The following MET variants were observed in gnomAD, a reference collection of about 807,000 sequenced individuals.
MET encodes the protein MET proto-oncogene, receptor tyrosine kinase.
Under a neutral mutation model 133.1 loss-of-function variants are expected in MET, and 48 were observed. The ratio of observed to expected loss-of-function variants is 0.36; its 90% CI spans 0.29 to 0.46. The LOEUF (loss-of-function observed/expected upper bound fraction) is 0.46, where lower values mean the gene tolerates loss of function less well. MET is among the 20% of genes least tolerant of loss of function. The pLI is 1.00. For missense variants in MET, 1,442 were observed against 1,695.9 expected, an observed-to-expected ratio of 0.85 and a Z score of 2.63; for synonymous variants, 628 against 616.5, an observed-to-expected ratio of 1.02 and a Z score of -0.28.
intron 1 of MET, among the ~76,000 whole-genome samples, chr7:116,695,128 C>T (rs1298644628): frequency 6.6e-6 from 1 of 152,090 alleles, no homozygotes; most frequent in Non-Finnish European, 1.5e-5. Flanking sequence ...ACAGAAAATA[C>T]AGCAATAAAT....
chr7:116,731,689 G>A lies in MET; in HGVS notation c.1222G>A (p.Gly408Ser), dbSNP rs1289461217. 2 of 1,613,952 alleles carry A rather than the reference G, an allele frequency of 1.2e-6. No individual in the cohort carries two copies. The highest frequency in any genetic ancestry group is 2.7e-5 in the African/African-American group (2 of 74,898). Residue 408 changes from glycine (G) to serine (S), a missense_variant, in exon 3 of 21, where the codon GGC (glycine) becomes AGC (serine). Physicochemically the swap from Gly to Ser is moderately conservative, Grantham distance 56 (BLOSUM62 0). Transcript: ENST00000397752. ...FNRTLLRNSS[G>S]CEARRDEYRT... The stretch of plus-strand genomic sequence containing the variant: ...CCAGACACTTCTGAGAAATTCATCA[G>A]GCTGTGAAGCGCGCCGTGATGAATA...
chr7:116,700,397 C>A, intron 2 of MET, 113 bp downstream of exon 2: 1 of 1,214,004 alleles, frequency 8.2e-7, no homozygotes, highest in Non-Finnish European at 1.1e-6. Context: ...GGTGTTTATC[C>A]AAAATAGTTG....
At chr7:116,724,756 A>G in intron 2 of MET, 1 of 1,156,626 alleles carries the variant, frequency 8.6e-7, no homozygotes, top group Non-Finnish European at 1.1e-6. Context: ...AATTCGCTCA[A>G]CCTCTCCCTT....
At chr7:116,712,278 C>T (rs1163016730) in intron 2 of MET, among the ~76,000 whole-genome samples, 4 of 152,212 alleles carry the variant, frequency 2.6e-5, no homozygotes, top group African/African-American at 9.7e-5. Flanking sequence ...TTCAACTCAT[C>T]CCCTGCCCCC....
In MET at chr7:116,740,058, T is replaced by C. The variant is rs546559782; in HGVS notation, c.1501T>C (p.Tyr501His). 6.2e-7 allele frequency: 1 copy of C among 1,614,144 alleles called. No individual in the cohort carries two copies. The highest frequency in any genetic ancestry group is 2.2e-5 in the East Asian group (1 of 44,876). ...GGAGCATACATTAAACCAAAATGGC[T>C]ACACACTGGTTATCACTGGGAAGAA... ...IVEHTLNQNG[Y>H]TLVITGKKIT... Residue 501 changes from tyrosine (Y) to histidine (H), a missense_variant, in exon 4 of 21, where the codon TAC (tyrosine) becomes CAC (histidine). Transcript: ENST00000397752.
In MET at chr7:116,796,142, A is replaced by T. The variant is rs2117114571; in HGVS notation, c.*18A>T. The T allele has an allele frequency of 1.9e-6, 3 of 1,604,242 alleles. No individual in the cohort carries two copies. Among genetic ancestry groups the T allele is most frequent in the African/African-American group, 1.3e-5 (1 of 74,926 alleles). On this transcript the variant is annotated 3_prime_UTR_variant, in exon 21 of 21. Coordinates refer to ENST00000397752, the MANE Select transcript of MET (RefSeq NM_000245.4). Reference sequence around the variant, plus strand: ...CATCATAGTGCTAGTACTATGTCAAAGCAACAGTCCACACTTTGTCCAATG... The same window carrying T: ...CATCATAGTGCTAGTACTATGTCAATGCAACAGTCCACACTTTGTCCAATG...
intron 1 of MET, among the ~76,000 whole-genome samples, chr7:116,678,764 A>G (rs572075442): frequency 6.6e-6 from 1 of 152,150 alleles, no homozygotes; most frequent in Non-Finnish European, 1.5e-5. Flanking sequence ...TTAGCTATTA[A>G]ATTTTAAACC....
intron 2 of MET, among the ~76,000 whole-genome samples, chr7:116,712,438 C>T (rs1792036143): frequency 6.6e-6 from 1 of 152,160 alleles, no homozygotes; most frequent in African/African-American, 2.4e-5. Flanking sequence ...CTCCACAGTC[C>T]CAGCACCTAA....
At chr7:116,738,784 C>T (rs1038247997) in intron 3 of MET, among the ~76,000 whole-genome samples, 1 of 152,100 alleles carries the variant, frequency 6.6e-6, no homozygotes, top group Non-Finnish European at 1.5e-5. Flanking sequence ...AATTGTTCCC[C>T]AGAACATTTA....
At position 116,763,191 on chromosome 7, in the gene MET, G is replaced by T; in HGVS notation, c.2506G>T (p.Val836Leu). 6.2e-7 allele frequency: 1 copy of T among 1,613,962 alleles called. No individual in the cohort carries two copies. Among genetic ancestry groups the T allele is most frequent in the Non-Finnish European group, 8.5e-7 (1 of 1,179,962 alleles). The change falls in exon 11 of 21, where the codon GTA becomes TTA. Residue 836 changes from valine (V) to leucine (L), a missense_variant. Coordinates refer to ENST00000397752, the MANE Select transcript of MET (RefSeq NM_000245.4). ...ILSKYFDLIY[V>L]HNPVFKPFEK... ...TTCCAAATACTTTGATCTCATTTAT[G>T]TACATAATCCTGTGTTTAAGCCTTT...
chr7:116,717,882 G>A (rs982771186), intron 2 of MET, among the ~76,000 whole-genome samples: 5 of 152,000 alleles, frequency 3.3e-5, no homozygotes, highest in Non-Finnish European at 7.4e-5. Context: ...GAGATATATA[G>A]CACTTCAATT....
At chr7:116,687,940 C>T (rs981871464) in intron 1 of MET, among the ~76,000 whole-genome samples, 1 of 152,208 alleles carries the variant, frequency 6.6e-6, no homozygotes, top group Non-Finnish European at 1.5e-5. Context: ...GGTTCACTCA[C>T]CACCTGCATT....
chr7:116,761,195 C>T (rs1363903287), intron 10 of MET, among the ~76,000 whole-genome samples: 4 of 152,116 alleles, frequency 2.6e-5, no homozygotes, highest in Non-Finnish European at 4.4e-5. Flanking sequence ...AGTTACATAT[C>T]CCAAGGATGA....
intron 19 of MET, among the ~76,000 whole-genome samples, chr7:116,794,238 G>A (rs759580025): frequency 1.3e-5 from 2 of 152,054 alleles, no homozygotes; most frequent in Admixed American, 6.6e-5. Flanking sequence ...TAACCTACTC[G>A]TATGTGATCA....
chr7:116,705,554 T>C (rs1183452889), intron 2 of MET, among the ~76,000 whole-genome samples: 1 of 152,172 alleles, frequency 6.6e-6, no homozygotes, highest in Non-Finnish European at 1.5e-5. Context: ...AAAAATGTTG[T>C]TAAGGATTCT....
intron 2 of MET, among the ~76,000 whole-genome samples, chr7:116,716,966 G>A (rs1229607462): frequency 6.6e-6 from 1 of 152,170 alleles, no homozygotes; most frequent in Non-Finnish European, 1.5e-5. Flanking sequence ...GCCCCCCCCA[G>A]CTTTGCTCCC....
intron 5 of MET, among the ~76,000 whole-genome samples, chr7:116,743,349 A>C (rs1416405144): frequency 6.6e-6 from 1 of 152,140 alleles, no homozygotes; most frequent in East Asian, 1.9e-4. Flanking sequence ...TTCATACCCC[A>C]GTGGTGCCTG....
rs745547523 is a variant in MET at position 116,758,625 on chromosome 7, G to C, written c.2264+5G>C. ...TCCAACCAAATCTTTTATTAGGTAAGTAGAAGCTTCTGATGGGTATAAGAA... is the reference window on the plus strand; with the variant it reads ...TCCAACCAAATCTTTTATTAGGTAACTAGAAGCTTCTGATGGGTATAAGAA... On this transcript the variant is annotated splice_donor_5th_base_variant and intron_variant, in intron 9 of 20. Transcript: ENST00000397752. 6.2e-7 allele frequency: 1 copy of C among 1,613,008 alleles called. No homozygotes were observed. The highest frequency in any genetic ancestry group is 2.2e-5 in the East Asian group (1 of 44,814).
At chr7:116,760,756 C>G (rs530859482) in intron 10 of MET, among the ~76,000 whole-genome samples, 1 of 152,232 alleles carries the variant, frequency 6.6e-6, no homozygotes, top group South Asian at 2.1e-4. Context: ...CTCAATCAGC[C>G]ACATTGCATC....
Sources: gnomAD v4.1 joint callset for allele counts (sites outside exome capture counted in the v4.1 genomes callset) on GRCh38, gnomAD v4.1.1 for gene constraint, MANE v1.5 for transcripts, NCBI Gene and HGNC (gene_info 2026-07-23, HGNC 2026-07-21) for gene names.